The following SH2D4B variants were observed in gnomAD, a reference collection of about 807,000 sequenced individuals.
SH2D4B encodes SH2 domain-containing protein 4B.
In SH2D4B, 45 loss-of-function variants were observed where a neutral mutation model predicts 61.5. The observed-to-expected ratio is 0.73, with a 90% CI of 0.58 to 0.94. The LOEUF (loss-of-function observed/expected upper bound fraction) is 0.94. SH2D4B is among the 40% of genes least tolerant of loss of function. The pLI, the probability that SH2D4B is intolerant of heterozygous loss-of-function variation, is 0.00. For synonymous variants in SH2D4B, 224 were observed against 220.4 expected (o/e 1.02, Z -0.14); for missense variants, 572 against 574.2 (o/e 1.00, Z 0.04).
Position 80,645,022 on chromosome 10 carries a change from G to C in SH2D4B, c.*937G>C, listed in dbSNP as rs1840372742. The C allele has an allele frequency of 6.6e-6, 1 of 152,136 alleles. No individual in the cohort carries two copies. Among genetic ancestry groups the C allele is most frequent in the Non-Finnish European group, 1.5e-5 (1 of 68,020 alleles). 9.4% of individuals were successfully genotyped at this position (152,136 alleles called of 1,614,324 possible). A position where few individuals can be genotyped will look rare whatever the true frequency, so the allele number is the denominator to read the frequency against. Reference sequence around the variant, plus strand: ...ATAACTCTCAGTGATGGTATCTGTTGGTGCATACTTGTGTTCCACAGTTAT... The same window carrying C: ...ATAACTCTCAGTGATGGTATCTGTTCGTGCATACTTGTGTTCCACAGTTAT... On this transcript the variant is annotated 3_prime_UTR_variant, in exon 8 of 8. Transcript: ENST00000646907.
intron 1 of SH2D4B, among the ~76,000 whole-genome samples, chr10:80,547,910 A>G (rs915696384): frequency 1.3e-5 from 2 of 152,122 alleles, no homozygotes; most frequent in Non-Finnish European, 2.9e-5. Context: ...TGAATGAGAT[A>G]TTGCCAGCTT....
rs1301538209 is a variant in SH2D4B, at chr10:80,587,149, TTG to T, written c.496-1479_496-1478del. Among the ~76,000 whole-genome samples the T allele has an allele frequency of 3.0e-4, 18 of 60,692 alleles. 1 individual carries two copies. Among genetic ancestry groups the T allele is most frequent in the Middle Eastern group, 6.8e-3 (1 of 146 alleles). 39.8% of individuals were successfully genotyped at this position (60,692 alleles called of 152,430 possible). A position where few individuals can be genotyped will look rare whatever the true frequency, so the allele number is the denominator to read the frequency against. ...GGCCACGTTTTTTTTTTTTTTTGTT[TTG>T]TTTTTTTTTTTTTTTTTGGAGACGC... On this transcript the variant is annotated intron_variant, in intron 3 of 7. Transcript: ENST00000646907.
intron 1 of SH2D4B, among the ~76,000 whole-genome samples, chr10:80,542,396 ATC>A (rs1841593284): frequency 8.8e-6 from 1 of 113,640 alleles, no homozygotes; most frequent in Admixed American, 8.5e-5. Flanking sequence ...TGTCAGTTCT[ATC>A]TTTTTTTTTT....
intron 3 of SH2D4B, 130 bp from the exon 4 acceptor site, chr10:80,588,500 G>T: frequency 8.5e-7 from 1 of 1,172,640 alleles, no homozygotes; most frequent in East Asian, 2.4e-5. Context: ...CATACATGTA[G>T]GGACTGAGGC....
intron 1 of SH2D4B, chr10:80,540,890 TC>T (rs1157818976): frequency 6.4e-7 from 1 of 1,551,654 alleles, no homozygotes; most frequent in Non-Finnish European, 8.7e-7. Flanking sequence ...TTCTCTTCCT[TC>T]CCTTGATGTT....
At chr10:80,597,738 C>T (rs1489198824) in intron 4 of SH2D4B, among the ~76,000 whole-genome samples, 1 of 151,990 alleles carries the variant, frequency 6.6e-6, no homozygotes, top group East Asian at 1.9e-4. Context: ...GAAGGGAGAG[C>T]ATTTGGAAAG....
At position 80,645,017 on chromosome 10, in the gene SH2D4B, C is replaced by A. The variant is rs1032861603; in HGVS notation, c.*932C>A. On this transcript the variant is annotated 3_prime_UTR_variant, in exon 8 of 8. Coordinates refer to ENST00000646907, the MANE Select transcript of SH2D4B (RefSeq NM_001388272.1). ...CCTCGATAACTCTCAGTGATGGTATCTGTTGGTGCATACTTGTGTTCCACA... is the reference window on the plus strand; with the variant it reads ...CCTCGATAACTCTCAGTGATGGTATATGTTGGTGCATACTTGTGTTCCACA... 1 of 152,182 alleles carries A rather than the reference C, an allele frequency of 6.6e-6. No individual in the cohort carries two copies. Among genetic ancestry groups the A allele is most frequent in the African/African-American group, 2.4e-5 (1 of 41,440 alleles). 9.4% of individuals were successfully genotyped at this position (152,182 alleles called of 1,614,324 possible).
Position 80,571,701 on chromosome 10 carries a change from GA to G in SH2D4B, c.495+126del. On this transcript the variant is annotated intron_variant, in intron 3 of 7. Transcript: ENST00000646907. The stretch of plus-strand genomic sequence containing the variant: ...TGGTACTGGGTGCTTTATGAGAATA[GA>G]AATCTGTAATGTCTGAGCAGGAAGG... The G allele has an allele frequency of 9.3e-6, 10 of 1,072,080 alleles. No homozygotes were observed. The South Asian group carries it at 1.6e-4, about 18-fold the overall frequency. The allele number at this position is 1,072,080 out of a possible 1,614,324, so 66.4% of individuals were successfully genotyped here.
intron 1 of SH2D4B, among the ~76,000 whole-genome samples, chr10:80,555,433 C>A (rs539504167): frequency 6.6e-6 from 1 of 152,336 alleles, no homozygotes; most frequent in Admixed American, 6.5e-5. Context: ...TGTCCATCTG[C>A]AAACACAGCC....
intron 3 of SH2D4B, among the ~76,000 whole-genome samples, chr10:80,585,698 G>T (rs561559015): frequency 4.5e-4 from 69 of 152,312 alleles, no homozygotes; most frequent in Non-Finnish European, 7.9e-4. Context: ...TTCTTTCTGA[G>T]AGGTGACAGC....
chr10:80,626,953 CT>C (rs1456824105), intron 6 of SH2D4B, among the ~76,000 whole-genome samples: 1 of 152,232 alleles, frequency 6.6e-6, no homozygotes, highest in African/African-American at 2.4e-5. Context: ...TGAATCCCTT[CT>C]TTTCCTGACA....
chr10:80,553,249 TG>T (rs1841785450), intron 1 of SH2D4B, among the ~76,000 whole-genome samples: 1 of 152,320 alleles, frequency 6.6e-6, no homozygotes, highest in Non-Finnish European at 1.5e-5. Flanking sequence ...AGTATTTCAC[TG>T]GTGTGCTTTT....
At chr10:80,628,757 G>C (rs950898535) in intron 6 of SH2D4B, among the ~76,000 whole-genome samples, 2 of 152,178 alleles carry the variant, frequency 1.3e-5, no homozygotes, top group East Asian at 3.9e-4. Flanking sequence ...GCCAGGCGTG[G>C]TGGCTCATGC....
At chr10:80,542,417 A>T (rs1393013185) in intron 1 of SH2D4B, among the ~76,000 whole-genome samples, 2 of 131,472 alleles carry the variant, frequency 1.5e-5, no homozygotes, top group Non-Finnish European at 1.6e-5. Context: ...TTTTTTTTTC[A>T]GACAGAATCT....
chr10:80,583,351 TC>T (rs1386225778), intron 3 of SH2D4B, among the ~76,000 whole-genome samples: 1 of 151,994 alleles, frequency 6.6e-6, no homozygotes, highest in Non-Finnish European at 1.5e-5. Flanking sequence ...GTCGATGAAA[TC>T]AACCAGGAAG....
chr10:80,622,977 G>A (rs546917185), intron 6 of SH2D4B, among the ~76,000 whole-genome samples: 160 of 152,278 alleles, frequency 1.1e-3, no homozygotes, highest in South Asian at 3.3e-3. Context: ...GTGCAGTGGC[G>A]TGATCTCAGC....
chr10:80,591,259 T>C (rs1376514225), intron 4 of SH2D4B, among the ~76,000 whole-genome samples: 1 of 152,152 alleles, frequency 6.6e-6, no homozygotes, highest in Non-Finnish European at 1.5e-5. Context: ...GAGTATTACC[T>C]ATATGCCTAG....
At chr10:80,624,475 A>T (rs1303147530) in intron 6 of SH2D4B, among the ~76,000 whole-genome samples, 5 of 152,202 alleles carry the variant, frequency 3.3e-5, no homozygotes, top group Admixed American at 1.3e-4. Context: ...CTATGTTCAG[A>T]TCTCTAAGTA....
At chr10:80,634,631 T>C (rs1320727438) in intron 7 of SH2D4B, 126 bp downstream of exon 7, 1 of 1,389,264 alleles carries the variant, frequency 7.2e-7, no homozygotes, top group Non-Finnish European at 9.6e-7. Context: ...GTCTCAGAGA[T>C]GTAGAGCATC....
Sources: gnomAD v4.1 joint callset for allele counts (sites outside exome capture counted in the v4.1 genomes callset) on GRCh38, gnomAD v4.1.1 for gene constraint, MANE v1.5 for transcripts, NCBI Gene and HGNC (gene_info 2026-07-23, HGNC 2026-07-21) for gene names.